The following DPF2 variants were observed in gnomAD, a reference collection of about 807,000 sequenced individuals.
The protein encoded by DPF2 is zinc finger protein ubi-d4.
A neutral mutation model predicts 59.6 loss-of-function variants in DPF2; 10 were observed. The ratio of observed to expected loss-of-function variants is 0.17; its 90% CI spans 0.10 to 0.28. DPF2 has a LOEUF of 0.28. Ranked by LOEUF, DPF2 falls within the 10% of genes least tolerant of loss-of-function variation. The pLI is 1.00. For synonymous variants in DPF2, 189 were observed against 190.6 expected (o/e 0.99, Z 0.07); for missense variants, 315 against 509.4 (o/e 0.62, Z 3.67).
chr11:65,344,356 C>A, intron 6 of DPF2: 2 of 613,054 alleles, frequency 3.3e-6, no homozygotes, highest in South Asian at 4.1e-5. Context: ...GCCTGCAGGT[C>A]TCCTGGCCTC....
In DPF2 at chr11:65,352,067, TCAAA is replaced by T. The variant is rs1854714377; in HGVS notation, c.*311_*314del. 7.8e-6 allele frequency: 3 copies of T among 385,710 alleles called. No homozygotes were observed. Among genetic ancestry groups the T allele is most frequent in the Non-Finnish European group, 1.4e-5 (3 of 208,242 alleles). 23.9% of individuals were successfully genotyped at this position (385,710 alleles called of 1,614,324 possible). ...GCCCAGCCCCTGGTGATCACAGGGT[TCAAA>T]CAGTGTCCTCCTAGAAAGAGTGGGA... On this transcript the variant is annotated 3_prime_UTR_variant, in exon 11 of 11. Transcript: ENST00000528416.
intron 9 of DPF2, chr11:65,347,415 T>G (rs1854567903): frequency 6.6e-6 from 1 of 151,840 alleles, no homozygotes; most frequent in Non-Finnish European, 1.5e-5. Flanking sequence ...CTAAAACCTT[T>G]CCCTTCAGGC....
In DPF2 at chr11:65,334,542, A is replaced by C. The variant is rs889798723; in HGVS notation, c.32+624A>C. ...CCCCGTCCAGTAGCAGCCATCAAAA[A>C]CCTGCAACTGGACCGAAGCCGTTCA... On this transcript the variant is annotated intron_variant, in intron 1 of 10. Transcript: ENST00000528416. 2.0e-5 allele frequency among the ~76,000 whole-genome samples: 3 copies of C among 152,202 alleles called. No homozygotes were observed. In the East Asian group the frequency reaches 5.8e-4, roughly 29 times the overall value.
At chr11:65,336,368 T>G (rs2137680891) in intron 1 of DPF2, among the ~76,000 whole-genome samples, 1 of 151,874 alleles carries the variant, frequency 6.6e-6, no homozygotes, top group Admixed American at 6.6e-5. Flanking sequence ...GGCGCACACC[T>G]GTAGTCCCAG....
At chr11:65,343,403 A>G (rs1242524938) in intron 4 of DPF2, 2 of 289,572 alleles carry the variant, frequency 6.9e-6, no homozygotes, top group Non-Finnish European at 1.3e-5. Context: ...ACCACCAATA[A>G]TGTGCTCCCA....
In DPF2 at chr11:65,353,793, G is replaced by A. The variant is rs138796491; in HGVS notation, c.*2034G>A. Among the ~76,000 whole-genome samples, 5 of 152,298 alleles carry A rather than the reference G, an allele frequency of 3.3e-5. No homozygotes were observed. Among genetic ancestry groups the A allele is most frequent in the South Asian group, 2.1e-4 (1 of 4,828 alleles). ...CTGCACTGTTATGTTCAATAAATAA[G>A]CAGGGTGCTCTGGGCTGGGGATTGT... is the stretch of plus-strand genomic sequence containing the variant. On this transcript the variant is annotated 3_prime_UTR_variant, in exon 11 of 11. Transcript: ENST00000528416.
Position 65,341,693 on chromosome 11 carries a change from A to T in DPF2, c.465+131A>T, listed in dbSNP as rs578108922. 5.1e-4 allele frequency: 647 copies of T among 1,260,352 alleles called. 3 individuals are homozygous for T. Among genetic ancestry groups the T allele is most frequent in the Middle Eastern group, 2.0e-3 (8 of 3,966 alleles). 78.1% of individuals were successfully genotyped at this position (1,260,352 alleles called of 1,614,324 possible). ...AGCAGGCCCCTGCAGTTCTGTTCTT[A>T]CTTCAGTCCCTGATTATTGTCAGGT... On this transcript the variant is annotated intron_variant, in intron 4 of 10. Transcript: ENST00000528416.
chr11:65,340,394 G>A lies in DPF2; in HGVS notation c.42G>A (p.Glu14=). ...VVENVVKLLG[E]QYYKDAMEQC... ...TCTATCTTCCCTGCAGCCTTGGGGAGCAGTACTACAAAGATGCCATGGAGC... is the reference window on the plus strand; with the variant it reads ...TCTATCTTCCCTGCAGCCTTGGGGAACAGTACTACAAAGATGCCATGGAGC... The change falls in exon 2 of 11, where the codon GAG becomes GAA. Residue 14 remains glutamate (E), a synonymous_variant. Coordinates refer to ENST00000528416, the MANE Select transcript of DPF2 (RefSeq NM_006268.5). The A allele has an allele frequency of 1.2e-6, 2 of 1,614,066 alleles. No homozygotes were observed. Among genetic ancestry groups the A allele is most frequent in the Non-Finnish European group, 1.7e-6 (2 of 1,179,936 alleles).
chr11:65,334,356 C>T (rs1484249540), intron 1 of DPF2, among the ~76,000 whole-genome samples: 1 of 152,168 alleles, frequency 6.6e-6, no homozygotes, highest in Non-Finnish European at 1.5e-5. Context: ...TCGGCGGCCC[C>T]TGCGGAGTGC....
At chr11:65,338,637 C>T (rs1352669994) in intron 1 of DPF2, among the ~76,000 whole-genome samples, 2 of 152,192 alleles carry the variant, frequency 1.3e-5, no homozygotes, top group South Asian at 2.1e-4. Context: ...TGCTCTCCAA[C>T]GTGAGATTCG....
rs1429656106 is a variant in DPF2, at chr11:65,340,439, T to C, written c.87T>C (p.Ala29=). 1.9e-6 allele frequency: 3 copies of C among 1,614,224 alleles called. No homozygotes were observed. Among genetic ancestry groups the C allele is most frequent in the Non-Finnish European group, 2.5e-6 (3 of 1,180,044 alleles). Residue 29 remains alanine, a synonymous_variant, in exon 2 of 11, where the codon GCT becomes GCC. Transcript: ENST00000528416. ...DAMEQCHNYN[A]RLCAERSVRL... is the part of the protein sequence containing the mutation. ...TGGAGCAGTGCCACAATTACAATGC[T>C]CGCCTCTGTGCTGAGCGCAGCGTGC...
intron 1 of DPF2, among the ~76,000 whole-genome samples, chr11:65,337,467 AAAAAAAAATAT>A (rs1404827161): frequency 1.6e-5 from 1 of 64,248 alleles, no homozygotes; most frequent in African/African-American, 5.9e-5. Flanking sequence ...AAAAAAAAAA[AAAAAAAAATAT>A]ATATATATAT....
rs369824078 is a variant in DPF2 at position 65,348,817 on chromosome 11, A to G, written c.1018-33A>G. On this transcript the variant is annotated intron_variant, in intron 9 of 10. Transcript: ENST00000528416. ...GTGGCCTGAGGCACATCAGTTATTCAGTCCCCATCCTCTTCCCTCTTGCCT... is the reference window on the plus strand; with the variant it reads ...GTGGCCTGAGGCACATCAGTTATTCGGTCCCCATCCTCTTCCCTCTTGCCT... 5.0e-6 allele frequency: 8 copies of G among 1,611,502 alleles called. No individual in the cohort carries two copies. The African/African-American group carries it at 9.4e-5, about 19-fold the overall frequency.
Position 65,341,072 on chromosome 11 carries a change from A to C in DPF2, c.300A>C (p.Pro100=). The change falls in exon 3 of 11, where the codon CCA becomes CCC. Residue 100 remains proline, a splice_region_variant and synonymous_variant. Coordinates refer to ENST00000528416, the MANE Select transcript of DPF2 (RefSeq NM_006268.5). ...DPRLSFPSIK[P]DTDQTLKKEG... is the part of the protein sequence containing the mutation. ...GACTTTCCTTCCCATCTATTAAGCC[A>C]GGTAAGGCACATACTTCCTGAGCAG... 6.2e-7 allele frequency: 1 copy of C among 1,614,008 alleles called. No homozygotes were observed. The highest frequency in any genetic ancestry group is 8.5e-7 in the Non-Finnish European group (1 of 1,180,010).
chr11:65,343,559 A>T (rs1854441454), intron 4 of DPF2, 186 bp from the exon 5 acceptor site: 1 of 598,046 alleles, frequency 1.7e-6, no homozygotes, highest in Non-Finnish European at 3.0e-6. Context: ...GGGGAAAGAT[A>T]TCCCAAAGTA....
chr11:65,339,883 A>G (rs1854311679), intron 1 of DPF2, among the ~76,000 whole-genome samples: 1 of 152,172 alleles, frequency 6.6e-6, no homozygotes, highest in Non-Finnish European at 1.5e-5. Flanking sequence ...ATAGTTTGCT[A>G]AATACATTTT....
At chr11:65,338,419 C>T (rs1251555277) in intron 1 of DPF2, among the ~76,000 whole-genome samples, 1 of 152,254 alleles carries the variant, frequency 6.6e-6, no homozygotes, top group Non-Finnish European at 1.5e-5. Flanking sequence ...CCCCGCAAAA[C>T]TGTTTCCAGC....
rs1292654831 is a variant in DPF2, at chr11:65,354,161, C to T, written c.*2402C>T. Among the ~76,000 whole-genome samples the T allele has an allele frequency of 6.6e-6, 1 of 152,100 alleles. No homozygotes were observed. The highest frequency in any genetic ancestry group is 1.5e-5 in the Non-Finnish European group (1 of 68,018). On this transcript the variant is annotated 3_prime_UTR_variant, in exon 11 of 11. Coordinates refer to ENST00000528416, the MANE Select transcript of DPF2 (RefSeq NM_006268.5). ...CGGGTCAAGACGTCTGCGTTTAATT[C>T]GGGACTGAAGGTTAGCAGGGAAGGG...
At position 65,345,952 on chromosome 11, in the gene DPF2, G is replaced by A. The variant is rs1315439745; in HGVS notation, c.798G>A (p.Leu266=). ...EQKSKKGPDG[L]ALPNNYCDFC... ...TAGCCAAAAAGGGTCCTGATGGATT[G>A]GCCTTGCCCAACAACTACTGTGACT... The change falls in exon 8 of 11, where the codon TTG becomes TTA. Residue 266 remains leucine (L), a synonymous_variant. Coordinates refer to ENST00000528416, the MANE Select transcript of DPF2 (RefSeq NM_006268.5). 1 of 1,614,128 alleles carries A rather than the reference G, an allele frequency of 6.2e-7. No homozygotes were observed. Among genetic ancestry groups the A allele is most frequent in the Non-Finnish European group, 8.5e-7 (1 of 1,180,022 alleles).
Sources: allele counts gnomAD v4.1 joint callset (sites outside exome capture counted in the v4.1 genomes callset), GRCh38; gene constraint gnomAD v4.1.1; transcripts MANE v1.5; gene names NCBI Gene and HGNC (gene_info 2026-07-23, HGNC 2026-07-21).